CRISPLD2: variants seen among roughly 807,000 people sequenced by gnomAD.
CRISPLD2 encodes the protein cysteine-rich secretory protein LCCL domain-containing 2.
In CRISPLD2, 47 loss-of-function variants were observed where a neutral mutation model predicts 71.1. The observed-to-expected ratio is 0.66, with a 90% CI of 0.52 to 0.84. The LOEUF is 0.84. CRISPLD2 is among the 40% of genes least tolerant of loss of function. The pLI, the probability that CRISPLD2 is intolerant of heterozygous loss-of-function variation, is 0.00. For missense variants in CRISPLD2, 830 were observed against 651.1 expected, an observed-to-expected ratio of 1.27 and a Z score of -2.99; for synonymous variants, 317 against 250.1, an observed-to-expected ratio of 1.27 and a Z score of -2.52.
rs1267185107 is a variant in CRISPLD2, at chr16:84,908,178, G to A, written c.*1536G>A. 6.6e-6 allele frequency: 1 copy of A among 152,198 alleles called. No individual in the cohort carries two copies. The highest frequency in any genetic ancestry group is 1.5e-5 in the Non-Finnish European group (1 of 68,036). The allele number at this position is 152,198 out of a possible 1,614,324, so 9.4% of individuals were successfully genotyped here. A position where few individuals can be genotyped will look rare whatever the true frequency, so the allele number is the denominator to read the frequency against. On this transcript the variant is annotated 3_prime_UTR_variant, in exon 15 of 15. Coordinates refer to ENST00000262424, the MANE Select transcript of CRISPLD2 (RefSeq NM_031476.4). Reference sequence around the variant, plus strand: ...TTTCTAATAAATGCAGAATCTGAAGGTAAATAGGTTTAAAACAAAACAAAA... The same window carrying A: ...TTTCTAATAAATGCAGAATCTGAAGATAAATAGGTTTAAAACAAAACAAAA...
intron 5 of CRISPLD2, among the ~76,000 whole-genome samples, chr16:84,854,496 G>C (rs1220894727): frequency 6.6e-6 from 1 of 152,190 alleles, no homozygotes; most frequent in East Asian, 1.9e-4. Context: ...CTGTGTGGAA[G>C]GGCATCTTGT....
intron 10 of CRISPLD2, 45 bp downstream of exon 10, chr16:84,873,167 T>A (rs1449121591): frequency 6.3e-7 from 1 of 1,580,288 alleles, no homozygotes. Flanking sequence ...TTTTCCTGTT[T>A]ATGACGGTGT....
chr16:84,870,760 C>G (rs1014205579), intron 8 of CRISPLD2, among the ~76,000 whole-genome samples: 1 of 152,136 alleles, frequency 6.6e-6, no homozygotes. Flanking sequence ...CAGCTTTTCA[C>G]CATTATAAAC....
At chr16:84,833,372 C>G (rs533059628) in intron 1 of CRISPLD2, among the ~76,000 whole-genome samples, 1 of 152,270 alleles carries the variant, frequency 6.6e-6, no homozygotes, top group African/African-American at 2.4e-5. Flanking sequence ...TTTTGCAACT[C>G]TGGCAAAAGA....
At chr16:84,874,157 T>C (rs1324338953) in intron 11 of CRISPLD2, among the ~76,000 whole-genome samples, 194 bp downstream of exon 11, 1 of 152,212 alleles carries the variant, frequency 6.6e-6, no homozygotes, top group African/African-American at 2.4e-5. Flanking sequence ...GAAATTGGCC[T>C]GAGATCACTG....
intron 12 of CRISPLD2, among the ~76,000 whole-genome samples, chr16:84,879,066 G>T (rs1034438453): frequency 3.9e-5 from 6 of 152,132 alleles, no homozygotes; most frequent in African/African-American, 1.4e-4. Context: ...GCCCAGGAGG[G>T]TGACTGGTTG....
chr16:84,843,926 T>G (rs1874015), intron 2 of CRISPLD2, among the ~76,000 whole-genome samples: 1 of 152,186 alleles, frequency 6.6e-6, no homozygotes, highest in South Asian at 2.1e-4. Context: ...GAGAGGGAAG[T>G]GAGGCATGCG....
chr16:84,892,909 G>A (rs1477613269), intron 14 of CRISPLD2, among the ~76,000 whole-genome samples: 1 of 150,214 alleles, frequency 6.7e-6, no homozygotes, highest in East Asian at 2.0e-4. Flanking sequence ...CCAGGAGGCG[G>A]AGGTTGCACT....
intron 11 of CRISPLD2, among the ~76,000 whole-genome samples, chr16:84,875,257 A>ATATGTGTGTGTGTGTG (rs1555564055): frequency 4.2e-4 from 63 of 148,332 alleles, no homozygotes; most frequent in African/African-American, 1.5e-3. Context: ...ATATATACAT[A>ATATGTGTGTGTGTGTG]TGTGTGTGTG....
chr16:84,880,341 C>G (rs1452659040), intron 12 of CRISPLD2, among the ~76,000 whole-genome samples, 168 bp from the exon 13 acceptor site: 3 of 152,006 alleles, frequency 2.0e-5, no homozygotes, highest in Non-Finnish European at 4.4e-5. Context: ...ATATCTTTAC[C>G]TCTGCTGAGG....
At chr16:84,831,222 A>G (rs1916480777) in intron 1 of CRISPLD2, among the ~76,000 whole-genome samples, 1 of 152,168 alleles carries the variant, frequency 6.6e-6, no homozygotes, top group Non-Finnish European at 1.5e-5. Flanking sequence ...CTCGGTGTGA[A>G]TCACCAAATA....
chr16:84,894,802 C>T (rs1196707656), intron 14 of CRISPLD2, among the ~76,000 whole-genome samples: 2 of 151,968 alleles, frequency 1.3e-5, no homozygotes, highest in African/African-American at 2.4e-5. Context: ...GGCACATCTC[C>T]ATTTGGACGA....
intron 14 of CRISPLD2, among the ~76,000 whole-genome samples, chr16:84,901,934 C>A (rs1240948269): frequency 6.6e-6 from 1 of 151,474 alleles, no homozygotes; most frequent in Non-Finnish European, 1.5e-5. Context: ...GCTGGGATTA[C>A]AGGCACCTGC....
intron 6 of CRISPLD2, among the ~76,000 whole-genome samples, chr16:84,865,141 C>T (rs1443360399): frequency 6.6e-6 from 1 of 151,956 alleles, no homozygotes; most frequent in South Asian, 2.1e-4. Flanking sequence ...TTGAGGAACA[C>T]CTGATGAAAC....
At chr16:84,861,480 G>C (rs1022727203) in intron 6 of CRISPLD2, among the ~76,000 whole-genome samples, 4 of 152,180 alleles carry the variant, frequency 2.6e-5, no homozygotes, top group East Asian at 1.9e-4. Flanking sequence ...GAAGCATCCA[G>C]CATGGGACAA....
chr16:84,825,289 G>A (rs1052886429), intron 1 of CRISPLD2, among the ~76,000 whole-genome samples: 14 of 152,104 alleles, frequency 9.2e-5, no homozygotes, highest in African/African-American at 2.4e-4. Context: ...GCAGCCAGGC[G>A]CCGTGGCTCA....
At chr16:84,886,854 C>T (rs569445672) in intron 13 of CRISPLD2, among the ~76,000 whole-genome samples, 1 of 152,326 alleles carries the variant, frequency 6.6e-6, no homozygotes, top group Admixed American at 6.5e-5. Flanking sequence ...ACCCTCTTAA[C>T]CATTGTTAAG....
intron 1 of CRISPLD2, among the ~76,000 whole-genome samples, chr16:84,826,480 C>A (rs1051769122): frequency 1.3e-5 from 2 of 152,194 alleles, no homozygotes; most frequent in African/African-American, 2.4e-5. Flanking sequence ...ACTTATAACC[C>A]CTGAAGGGGT....
In CRISPLD2 at chr16:84,825,721, C is replaced by T. The variant is rs1384922116; in HGVS notation, c.-75+5588C>T. On this transcript the variant is annotated intron_variant, in intron 1 of 14. Transcript: ENST00000262424. ...CAGTGAGCCAAGATCACACACTGCA[C>T]TCCAGCCTGGGTGACAGAGCGAGAC... Among the ~76,000 whole-genome samples, 3 of 151,732 alleles carry T rather than the reference C, an allele frequency of 2.0e-5. No individual in the cohort carries two copies. In the East Asian group the frequency reaches 5.8e-4, roughly 29 times the overall value.
Sources: allele counts gnomAD v4.1 joint callset (sites outside exome capture counted in the v4.1 genomes callset), GRCh38; gene constraint gnomAD v4.1.1; transcripts MANE v1.5; gene names NCBI Gene and HGNC (gene_info 2026-07-23, HGNC 2026-07-21).